FLNB: variants seen among roughly 807,000 people sequenced by gnomAD.
FLNB encodes the protein filamin B.
Under a neutral mutation model 250.6 loss-of-function variants are expected in FLNB, and 111 were observed. The observed-to-expected ratio is 0.44, with a 90% CI of 0.38 to 0.52. The LOEUF (loss-of-function observed/expected upper bound fraction) is 0.52. FLNB is among the 20% of genes least tolerant of loss of function. The pLI is 0.00. For synonymous variants in FLNB, 1,302 were observed against 1,372.1 expected (o/e 0.95, Z 1.13); for missense variants, 2,869 against 3,447.8 (o/e 0.83, Z 4.20).
chr3:58,147,809 A>G (rs923719380), intron 34 of FLNB, among the ~76,000 whole-genome samples: 1 of 152,072 alleles, frequency 6.6e-6, no homozygotes, highest in Non-Finnish European at 1.5e-5. Context: ...TACAGCACCC[A>G]CCACCACACC....
chr3:58,161,613 C>T (rs2097361885), intron 42 of FLNB, among the ~76,000 whole-genome samples: 1 of 152,230 alleles, frequency 6.6e-6, no homozygotes, highest in African/African-American at 2.4e-5. Context: ...CAAGCCAACT[C>T]ACACAATAAA....
At chr3:58,084,246 A>C (rs2097213746) in intron 4 of FLNB, among the ~76,000 whole-genome samples, 1 of 152,102 alleles carries the variant, frequency 6.6e-6, no homozygotes, top group African/African-American at 2.4e-5. Context: ...TGGTGGCTGG[A>C]ATGAGGAATC....
At chr3:58,069,223 A>G (rs1268537663) in intron 1 of FLNB, among the ~76,000 whole-genome samples, 1 of 139,176 alleles carries the variant, frequency 7.2e-6, no homozygotes, top group Non-Finnish European at 1.5e-5. Flanking sequence ...AAATATCAGT[A>G]GTTCAATTCT....
chr3:58,115,844 A>G (rs2097276936), intron 18 of FLNB, among the ~76,000 whole-genome samples: 1 of 152,186 alleles, frequency 6.6e-6, no homozygotes, highest in Admixed American at 6.5e-5. Flanking sequence ...ACAAGTGTGA[A>G]TGACTTGCAG....
At chr3:58,058,720 C>T (rs1474105536) in intron 1 of FLNB, among the ~76,000 whole-genome samples, 1 of 152,194 alleles carries the variant, frequency 6.6e-6, no homozygotes, top group Non-Finnish European at 1.5e-5. Context: ...ATCCAAATAG[C>T]GAGATTCTCA....
chr3:58,144,242 A>G (rs1412434375), intron 32 of FLNB, among the ~76,000 whole-genome samples: 1 of 152,108 alleles, frequency 6.6e-6, no homozygotes, highest in Admixed American at 6.5e-5. Context: ...GTTCGATTTC[A>G]GAGTTTCAGG....
intron 18 of FLNB, among the ~76,000 whole-genome samples, chr3:58,114,209 G>C (rs2097273991): frequency 6.6e-6 from 1 of 152,174 alleles, no homozygotes; most frequent in Non-Finnish European, 1.5e-5. Context: ...GGGTTCAAGT[G>C]ATTGTCCTGC....
chr3:58,031,911 T>A (rs2097131665), intron 1 of FLNB, among the ~76,000 whole-genome samples: 1 of 151,526 alleles, frequency 6.6e-6, no homozygotes, highest in African/African-American at 2.4e-5. Context: ...GAAAAAAAAA[T>A]ACCTTGTGTT....
intron 5 of FLNB, among the ~76,000 whole-genome samples, chr3:58,095,934 C>G (rs1216543323): frequency 6.6e-6 from 1 of 152,200 alleles, no homozygotes; most frequent in Non-Finnish European, 1.5e-5. Flanking sequence ...CTGGAGAGTC[C>G]TGACTCTGTT....
At chr3:58,070,972 G>T (rs1347820819) in intron 1 of FLNB, among the ~76,000 whole-genome samples, 1 of 147,810 alleles carries the variant, frequency 6.8e-6, no homozygotes, top group Non-Finnish European at 1.5e-5. Context: ...TTTTGAGACA[G>T]AGTCTTACTT....
intron 1 of FLNB, among the ~76,000 whole-genome samples, chr3:58,063,360 A>G (rs1014888327): frequency 2.0e-5 from 3 of 152,064 alleles, no homozygotes; most frequent in African/African-American, 7.2e-5. Flanking sequence ...CTGGGCTGAG[A>G]GAGTTTGCAG....
chr3:58,023,860 A>G (rs951562613), intron 1 of FLNB, among the ~76,000 whole-genome samples: 2 of 152,208 alleles, frequency 1.3e-5, no homozygotes, highest in African/African-American at 4.8e-5. Context: ...TCTCTTAATA[A>G]TAGTTATTAT....
chr3:58,053,089 G>A (rs955915507), intron 1 of FLNB, among the ~76,000 whole-genome samples: 10 of 152,162 alleles, frequency 6.6e-5, no homozygotes, highest in African/African-American at 2.4e-4. Flanking sequence ...TCATTCAGTG[G>A]CAGAATGGAA....
intron 3 of FLNB, among the ~76,000 whole-genome samples, chr3:58,079,700 C>T (rs1212112133): frequency 6.6e-6 from 1 of 152,206 alleles, no homozygotes; most frequent in Non-Finnish European, 1.5e-5. Context: ...ACAGTAGTCA[C>T]ATTGCTTAGT....
intron 1 of FLNB, among the ~76,000 whole-genome samples, chr3:58,036,388 G>A (rs2097138145): frequency 6.6e-6 from 1 of 152,170 alleles, no homozygotes; most frequent in Admixed American, 6.6e-5. Context: ...TAATTCGGCA[G>A]GTAGGGGCTC....
intron 1 of FLNB, among the ~76,000 whole-genome samples, chr3:58,073,686 G>A (rs1383618515): frequency 1.3e-5 from 2 of 151,716 alleles, no homozygotes; most frequent in Non-Finnish European, 2.9e-5. Context: ...CAGGTCCTCT[G>A]CTCCGGGTCT....
At chr3:58,043,141 CTTTT>C (rs58727890) in intron 1 of FLNB, among the ~76,000 whole-genome samples, 18 of 101,976 alleles carry the variant, frequency 1.8e-4, no homozygotes, top group Non-Finnish European at 3.0e-4. Flanking sequence ...TTTGGCATTC[CTTTT>C]TTTTTTTTTT....
At chr3:58,012,135 C>G (rs1335781597) in intron 1 of FLNB, among the ~76,000 whole-genome samples, 1 of 149,002 alleles carries the variant, frequency 6.7e-6, no homozygotes, top group African/African-American at 2.5e-5. Context: ...TGCTTGAACC[C>G]GGGAGGTGGA....
intron 20 of FLNB, among the ~76,000 whole-genome samples, chr3:58,122,466 CTGGG>C (rs2097290677): frequency 6.6e-6 from 1 of 150,494 alleles, no homozygotes; most frequent in Non-Finnish European, 1.5e-5. Context: ...GCACTCCAGC[CTGGG>C]CAACAGAGTG....
Sources: gnomAD v4.1 joint callset for allele counts (sites outside exome capture counted in the v4.1 genomes callset) on GRCh38, gnomAD v4.1.1 for gene constraint, MANE v1.5 for transcripts, NCBI Gene and HGNC (gene_info 2026-07-23, HGNC 2026-07-21) for gene names.